NEK11: variants seen among roughly 807,000 people sequenced by gnomAD.
NEK11 encodes the protein serine/threonine-protein kinase Nek11.
Under a neutral mutation model 80.7 loss-of-function variants are expected in NEK11, and 72 were observed. The ratio of observed to expected loss-of-function variants is 0.89; its 90% CI spans 0.74 to 1.08. NEK11 has a LOEUF of 1.08. NEK11 is among the 50% of genes least tolerant of loss of function. The pLI is 0.00. For missense variants in NEK11, 764 were observed against 763.6 expected (o/e 1.00, Z -0.01); for synonymous variants, 251 against 260.7 (o/e 0.96, Z 0.36).
At chr3:131,220,647 A>G (rs1433307462) in intron 14 of NEK11, among the ~76,000 whole-genome samples, 1 of 152,198 alleles carries the variant, frequency 6.6e-6, no homozygotes, top group African/African-American at 2.4e-5. Context: ...ACAAATAGAG[A>G]TGGACATCTT....
chr3:131,220,886 A>G (rs1046273863), intron 14 of NEK11, among the ~76,000 whole-genome samples: 6 of 152,264 alleles, frequency 3.9e-5, no homozygotes, highest in African/African-American at 1.2e-4. Context: ...GGCCTGCAGG[A>G]TGTAACTGGA....
intron 3 of NEK11, among the ~76,000 whole-genome samples, chr3:131,036,624 T>G (rs2065687919): frequency 6.6e-6 from 1 of 152,208 alleles, no homozygotes; most frequent in African/African-American, 2.4e-5. Context: ...CTGAGAACTG[T>G]GAGCTGAAAT....
rs1021810992 is a variant in NEK11, at chr3:131,080,403, A to T, written c.171-20A>T. On this transcript the variant is annotated intron_variant, in intron 3 of 17. Coordinates refer to ENST00000383366, the MANE Select transcript of NEK11 (RefSeq NM_024800.5). ...GTGTTTTTCAGCTCTAAATGTTTTT[A>T]AAATTTTTTTTGATCTCAGAAAGGT... is the stretch of plus-strand genomic sequence containing the variant. The T allele has an allele frequency of 2.5e-6, 4 of 1,573,362 alleles. No individual in the cohort carries two copies. Among genetic ancestry groups the T allele is most frequent in the Admixed American group, 1.9e-5 (1 of 53,334 alleles).
At position 131,070,722 on chromosome 3, in the gene NEK11, T is replaced by C. The variant is rs1476307775; in HGVS notation, c.171-9701T>C. ...GAAAAATGAAAAATTTTAGACTGTC[T>C]TACTCATTAGACACTGAAGATCTCT... is the stretch of plus-strand genomic sequence containing the variant. On this transcript the variant is annotated intron_variant, in intron 3 of 17. Coordinates refer to ENST00000383366, the MANE Select transcript of NEK11 (RefSeq NM_024800.5). 2.6e-5 allele frequency among the ~76,000 whole-genome samples: 4 copies of C among 152,178 alleles called. No individual in the cohort carries two copies. In the South Asian group the frequency reaches 8.3e-4, roughly 32 times the overall value.
chr3:131,087,752 C>T (rs1464733197), intron 4 of NEK11, among the ~76,000 whole-genome samples: 2 of 152,142 alleles, frequency 1.3e-5, no homozygotes, highest in Non-Finnish European at 2.9e-5. Flanking sequence ...TTGGCAATGA[C>T]GTGCAGCCAC....
Position 131,333,469 on chromosome 3 carries a change from A to G in NEK11, c.1719-16088A>G, listed in dbSNP as rs544369303. 9.1e-3 allele frequency among the ~76,000 whole-genome samples: 1,382 copies of G among 152,202 alleles called. 15 individuals are homozygous for G. The highest frequency in any genetic ancestry group is 0.03 in the African/African-American group (1,236 of 41,486). On this transcript the variant is annotated intron_variant, in intron 17 of 17. Transcript: ENST00000383366. The stretch of plus-strand genomic sequence containing the variant: ...CCCTAAAAGAGCTCCTGAAGGAAGC[A>G]CTAAACATGGAAAGGAACAACCGGT...
At chr3:131,266,266 G>A (rs1334083778) in intron 16 of NEK11, among the ~76,000 whole-genome samples, 1 of 152,052 alleles carries the variant, frequency 6.6e-6, no homozygotes, top group East Asian at 1.9e-4. Context: ...GAATTTGTTT[G>A]CTCTTTCTTC....
Position 131,067,282 on chromosome 3 carries a change from C to T in NEK11, c.171-13141C>T, listed in dbSNP as rs113299124. Among the ~76,000 whole-genome samples the T allele has an allele frequency of 2.5e-3, 384 of 152,266 alleles. 2 individuals are homozygous for T. Among genetic ancestry groups the T allele is most frequent in the Non-Finnish European group, 4.1e-3 (281 of 68,022 alleles). ...TTCCACAGATCAGGTGCCCCATACA[C>T]GTGCACTGAATTTAGAAACTGGAAT... On this transcript the variant is annotated intron_variant, in intron 3 of 17. Transcript: ENST00000383366.
chr3:131,105,997 T>G (rs1395841725), intron 4 of NEK11, among the ~76,000 whole-genome samples: 2 of 152,228 alleles, frequency 1.3e-5, no homozygotes, highest in African/African-American at 4.8e-5. Flanking sequence ...CATATAAAGT[T>G]GTTTTCCTTA....
intron 17 of NEK11, among the ~76,000 whole-genome samples, chr3:131,291,658 A>G (rs2096544636): frequency 6.6e-6 from 1 of 152,158 alleles, no homozygotes; most frequent in Non-Finnish European, 1.5e-5. Flanking sequence ...ATAAGTATGT[A>G]GTAGTATCTC....
intron 5 of NEK11, among the ~76,000 whole-genome samples, chr3:131,121,214 C>T (rs1274430623): frequency 6.6e-6 from 1 of 152,158 alleles, no homozygotes; most frequent in African/African-American, 2.4e-5. Context: ...TAGTCAGGAC[C>T]CTCAGCTGCA....
chr3:131,164,310 A>C (rs1240522185), intron 11 of NEK11, among the ~76,000 whole-genome samples: 3 of 152,238 alleles, frequency 2.0e-5, no homozygotes, highest in Non-Finnish European at 4.4e-5. Flanking sequence ...GATACCATTT[A>C]ATATTCAGTT....
chr3:131,065,944 A>C (rs1442238072), intron 3 of NEK11, among the ~76,000 whole-genome samples: 1 of 152,202 alleles, frequency 6.6e-6, no homozygotes, highest in African/African-American at 2.4e-5. Flanking sequence ...ATTAGGAAGT[A>C]CCACCTGAAA....
At chr3:131,329,880 T>C (rs150152616) in intron 17 of NEK11, 1 of 152,456 alleles carries the variant, frequency 6.6e-6, no homozygotes, top group African/African-American at 2.4e-5. Context: ...GAGATATGAT[T>C]GGATATTGTA....
At chr3:131,100,305 G>A (rs1434952636) in intron 4 of NEK11, among the ~76,000 whole-genome samples, 1 of 152,062 alleles carries the variant, frequency 6.6e-6, no homozygotes, top group Non-Finnish European at 1.5e-5. Context: ...CCAAAAATAA[G>A]GCCTACTTGG....
At chr3:131,318,242 G>A (rs2096863524) in intron 17 of NEK11, among the ~76,000 whole-genome samples, 1 of 152,146 alleles carries the variant, frequency 6.6e-6, no homozygotes, top group South Asian at 2.1e-4. Flanking sequence ...TGGCGTTCTT[G>A]AGCTCTATTT....
At position 131,202,019 on chromosome 3, in the gene NEK11, G is replaced by C. The variant is rs537853768; in HGVS notation, c.1400-26509G>C. Reference sequence around the variant, plus strand: ...CTGGCTAATTTTTGTATTTTTAGTAGAGACGGGGTTTCACCATGTTAGCCA... The same window carrying C: ...CTGGCTAATTTTTGTATTTTTAGTACAGACGGGGTTTCACCATGTTAGCCA... On this transcript the variant is annotated intron_variant, in intron 14 of 17. Coordinates refer to ENST00000383366, the MANE Select transcript of NEK11 (RefSeq NM_024800.5). 8.6e-5 allele frequency among the ~76,000 whole-genome samples: 13 copies of C among 152,032 alleles called. No homozygotes were observed. In the South Asian group the frequency reaches 2.7e-3, roughly 32 times the overall value.
chr3:131,133,986 T>G (rs749627986), intron 7 of NEK11, 30 bp downstream of exon 7: 1 of 1,549,852 alleles, frequency 6.5e-7, no homozygotes, highest in South Asian at 1.3e-5. Flanking sequence ...AGACTCTTCA[T>G]CTGCTTCCCT....
chr3:131,274,124 A>C (rs980378853), intron 17 of NEK11, among the ~76,000 whole-genome samples: 1 of 110,626 alleles, frequency 9.0e-6, no homozygotes, highest in Non-Finnish European at 1.8e-5. Context: ...CCACCCCACA[A>C]CAGTCCCCAG....
Sources: gnomAD v4.1 joint callset for allele counts (sites outside exome capture counted in the v4.1 genomes callset) on GRCh38, gnomAD v4.1.1 for gene constraint, MANE v1.5 for transcripts, NCBI Gene and HGNC (gene_info 2026-07-23, HGNC 2026-07-21) for gene names.